OR6V1: variants seen among roughly 807,000 people sequenced by gnomAD.
The protein encoded by OR6V1 is olfactory receptor 6V1.
In OR6V1, 10 loss-of-function variants were observed where a neutral mutation model predicts 13.2. That is an observed-to-expected ratio of 0.76 (90% CI 0.47 to 1.28). OR6V1 has a LOEUF of 1.28. OR6V1 is among the 50% of genes most tolerant of loss of function. The probability of loss-of-function intolerance (pLI) is 0.00; values close to 1 mark genes in which losing one functional copy is unlikely to be tolerated. For synonymous variants in OR6V1, 137 were observed against 154.2 expected (o/e 0.89, Z 0.83); for missense variants, 350 against 380.4 (o/e 0.92, Z 0.67).
Position 143,052,357 on chromosome 7 carries a change from A to C in OR6V1, c.17A>C (p.Gln6Pro). 6.2e-7 allele frequency: 1 copy of C among 1,613,854 alleles called. No individual in the cohort carries two copies. The highest frequency in any genetic ancestry group is 8.5e-7 in the Non-Finnish European group (1 of 1,179,806). The part of the protein sequence containing the change: MANLS[Q>P]PSEFVLLGFS... ...CTGTGGATCATGGCAAATCTGAGCC[A>C]GCCCTCCGAATTTGTCCTCTTGGGC... The change falls in exon 1 of 1, where the codon CAG becomes CCG. Residue 6 changes from glutamine to proline, a missense_variant. Transcript: ENST00000418316.
Position 143,052,930 on chromosome 7 carries a change from A to T in OR6V1, c.590A>T (p.Asp197Val). ...GACACTCGCCTGTTGGAATTCTGGG[A>T]CTTTCTGATGGCCTTGACCTTTGTC... is the stretch of plus-strand genomic sequence containing the variant. ...CSDTRLLEFW[D>V]FLMALTFVLS... Residue 197 changes from aspartate (D) to valine (V), a missense_variant, in exon 1 of 1, where the codon GAC becomes GTC. Transcript: ENST00000418316. The T allele has an allele frequency of 6.2e-7, 1 of 1,613,940 alleles. No homozygotes were observed. Among genetic ancestry groups the T allele is most frequent in the Non-Finnish European group, 8.5e-7 (1 of 1,179,860 alleles).
In OR6V1 at chr7:143,052,853, C is replaced by T. The variant is rs768851108; in HGVS notation, c.513C>T (p.Val171=). The T allele has an allele frequency of 6.2e-7, 1 of 1,614,024 alleles. No homozygotes were observed. Among genetic ancestry groups the T allele is most frequent in the Non-Finnish European group, 8.5e-7 (1 of 1,179,880 alleles). Residue 171 remains valine, a synonymous_variant, in exon 1 of 1, where the codon GTC becomes GTT. Transcript: ENST00000418316. ...RAHLDYCHGD[V]INHFFCDNEP... ...ATCTTGATTACTGCCATGGCGACGTCATCAACCACTTCTTCTGTGACAATG... is the reference window on the plus strand; with the variant it reads ...ATCTTGATTACTGCCATGGCGACGTTATCAACCACTTCTTCTGTGACAATG...
In OR6V1 at chr7:143,052,976, C is replaced by T; in HGVS notation, c.636C>T (p.Thr212=). ...TTGTCCTCAGCTCCTTCCTGGTGAC[C>T]CTCATCTCCTATGGCTACATAGTGA... ...LTFVLSSFLV[T]LISYGYIVTT... The change falls in exon 1 of 1, where the codon ACC becomes ACT. Residue 212 remains threonine (T), a synonymous_variant. Coordinates refer to ENST00000418316, the MANE Select transcript of OR6V1 (RefSeq NM_001001667.1). 1 of 1,614,006 alleles carries T rather than the reference C, an allele frequency of 6.2e-7. No individual in the cohort carries two copies. The highest frequency in any genetic ancestry group is 8.5e-7 in the Non-Finnish European group (1 of 1,179,890).
In OR6V1 at chr7:143,052,692, C is replaced by G; in HGVS notation, c.352C>G (p.Leu118Val). Residue 118 changes from leucine (L) to valine (V), a missense_variant, in exon 1 of 1, where the codon CTT (leucine) becomes GTT (valine). Physicochemically the swap from Leu to Val is conservative, Grantham distance 32. Transcript: ENST00000418316. ...CTTCCTCATCCTGACAGACATGGCC[C>G]TTGATCGCTTTGTGGCCATCTGCCA... ...TSFLILTDMA[L>V]DRFVAICHPL... 3 of 1,614,020 alleles carry G rather than the reference C, an allele frequency of 1.9e-6. No individual in the cohort carries two copies. In the South Asian group the frequency reaches 3.3e-5, roughly 18 times the overall value.
rs370552765 is a variant in OR6V1 at position 143,053,153 on chromosome 7, C to A, written c.813C>A (p.Val271=). Residue 271 remains valine (V), a synonymous_variant, in exon 1 of 1, where the codon GTC becomes GTA. Coordinates refer to ENST00000418316, the MANE Select transcript of OR6V1 (RefSeq NM_001001667.1). ...CTCACTCTGTGCAAGTCAGGAAGGT[C>A]GTGGCCTTGGTGACTTCAGTTCTCA... The part of the protein sequence containing the change: ...GKAHSVQVRK[V]VALVTSVLTP... 2 of 1,613,864 alleles carry A rather than the reference C, an allele frequency of 1.2e-6. No homozygotes were observed. Among genetic ancestry groups the A allele is most frequent in the South Asian group, 1.1e-5 (1 of 91,084 alleles).
chr7:143,053,078 C>G lies in OR6V1; in HGVS notation c.738C>G (p.Val246=), dbSNP rs780521212. ...FSTCGSHLTL[V]FIGYSSTIFL... is the part of the protein sequence containing the mutation. Reference sequence around the variant, plus strand: ...CTTGCGGGTCTCACCTCACACTGGTCTTCATCGGCTACAGTAGTACCATCT... The same window carrying G: ...CTTGCGGGTCTCACCTCACACTGGTGTTCATCGGCTACAGTAGTACCATCT... Residue 246 remains valine (V), a synonymous_variant, in exon 1 of 1, where the codon GTC becomes GTG. Coordinates refer to ENST00000418316, the MANE Select transcript of OR6V1 (RefSeq NM_001001667.1). 6.2e-7 allele frequency: 1 copy of G among 1,614,024 alleles called. No individual in the cohort carries two copies. Among genetic ancestry groups the G allele is most frequent in the Non-Finnish European group, 8.5e-7 (1 of 1,179,884 alleles).
At position 143,052,660 on chromosome 7, in the gene OR6V1, C is replaced by T. The variant is rs1221265405; in HGVS notation, c.320C>T (p.Ser107Phe). The change falls in exon 1 of 1, where the codon TCC (serine) becomes TTC (phenylalanine). Residue 107 changes from serine (S) to phenylalanine (F), a missense_variant. Physicochemically the swap from Ser to Phe is radical, Grantham distance 155. Transcript: ENST00000418316. Reference protein sequence around the residue: ...VQFYFHFSLGSTSFLILTDMA... With the variant: ...VQFYFHFSLGFTSFLILTDMA... ...TTCTACTTCCACTTTTCCCTGGGGT[C>T]CACCTCCTTCCTCATCCTGACAGAC... 6.2e-7 allele frequency: 1 copy of T among 1,614,012 alleles called. No individual in the cohort carries two copies. The highest frequency in any genetic ancestry group is 1.7e-5 in the Admixed American group (1 of 60,026).
rs1221265405 is a variant in OR6V1 at position 143,052,660 on chromosome 7, C to G, written c.320C>G (p.Ser107Cys). 6.2e-7 allele frequency: 1 copy of G among 1,613,894 alleles called. No homozygotes were observed. The highest frequency in any genetic ancestry group is 2.2e-5 in the East Asian group (1 of 44,896). The change falls in exon 1 of 1, where the codon TCC (serine) becomes TGC (cysteine). Residue 107 changes from serine (S) to cysteine (C), a missense_variant. By Grantham distance (112) the Ser-to-Cys change is moderately radical (BLOSUM62 -1). Transcript: ENST00000418316. ...VQFYFHFSLGSTSFLILTDMA... is the reference protein window; with the variant it reads ...VQFYFHFSLGCTSFLILTDMA... ...TTCTACTTCCACTTTTCCCTGGGGTCCACCTCCTTCCTCATCCTGACAGAC... is the reference window on the plus strand; with the variant it reads ...TTCTACTTCCACTTTTCCCTGGGGTGCACCTCCTTCCTCATCCTGACAGAC...
Position 143,053,282 on chromosome 7 carries a change from A to C in OR6V1, c.942A>C (p.Ter314CysextTer?). 1 of 1,592,714 alleles carries C rather than the reference A, an allele frequency of 6.3e-7. No homozygotes were observed. Among genetic ancestry groups the C allele is most frequent in the East Asian group, 2.2e-5 (1 of 44,534 alleles). Residue 314 changes from the stop codon to cysteine (C), a stop_lost, in exon 1 of 1, where the codon TGA (stop) becomes TGC (cysteine). Transcript: ENST00000418316. ...QRLKGLCKAQ* is the reference protein window; with the variant it reads ...QRLKGLCKAQC ...TGAAAGGCCTTTGCAAGGCACAATG[A>C]TGAGCCCAGGGCCCAGGGGAACCTG... is the stretch of plus-strand genomic sequence containing the variant.
Position 143,052,453 on chromosome 7 carries a change from T to C in OR6V1, c.113T>C (p.Met38Thr). The part of the protein sequence containing the change: ...PFLMLYLLAF[M>T]GNTIIIVMVI... ...CTCATGCTTTATCTTCTCGCCTTCATGGGAAACACCATCATCATAGTTATG... is the reference window on the plus strand; with the variant it reads ...CTCATGCTTTATCTTCTCGCCTTCACGGGAAACACCATCATCATAGTTATG... Residue 38 changes from methionine to threonine, a missense_variant, in exon 1 of 1, where the codon ATG (methionine) becomes ACG (threonine). Met to Thr is a moderately conservative substitution (Grantham distance 81). Transcript: ENST00000418316. 1 of 1,613,950 alleles carries C rather than the reference T, an allele frequency of 6.2e-7. No homozygotes were observed. The highest frequency in any genetic ancestry group is 8.5e-7 in the Non-Finnish European group (1 of 1,179,854).
At position 143,053,006 on chromosome 7, in the gene OR6V1, T is replaced by C; in HGVS notation, c.666T>C (p.Thr222=). ...TCTCCTATGGCTACATAGTGACCAC[T>C]GTGCTGCGGATCCCCTCTGCCAGCA... ...TLISYGYIVT[T]VLRIPSASSC... is the part of the protein sequence containing the mutation. The change falls in exon 1 of 1, where the codon ACT becomes ACC. Residue 222 remains threonine, a synonymous_variant. Transcript: ENST00000418316. 1.2e-6 allele frequency: 2 copies of C among 1,614,032 alleles called. No homozygotes were observed. Among genetic ancestry groups the C allele is most frequent in the African/African-American group, 1.3e-5 (1 of 75,048 alleles).
In OR6V1 at chr7:143,053,255, G is replaced by GC. The variant is rs777728357; in HGVS notation, c.916dup (p.Leu306ProfsTer?). ...CAGTGCTACAGGGGCAGATGCAGAG[G>GC]CTGAAAGGCCTTTGCAAGGCACAAT... On this transcript the variant is annotated frameshift_variant, in exon 1 of 1. Transcript: ENST00000418316. LOFTEE classifies it high-confidence loss of function. 3 of 1,606,094 alleles carry GC rather than the reference G, an allele frequency of 1.9e-6. No homozygotes were observed. The highest frequency in any genetic ancestry group is 1.7e-6 in the Non-Finnish European group (2 of 1,179,570).
Position 143,052,655 on chromosome 7 carries a change from G to A in OR6V1, c.315G>A (p.Leu105=), listed in dbSNP as rs1433457659. 6.2e-7 allele frequency: 1 copy of A among 1,613,948 alleles called. No homozygotes were observed. The highest frequency in any genetic ancestry group is 8.5e-7 in the Non-Finnish European group (1 of 1,179,866). ...TCCAGTTCTACTTCCACTTTTCCCT[G>A]GGGTCCACCTCCTTCCTCATCCTGA... ...CMVQFYFHFS[L]GSTSFLILTD... is the part of the protein sequence containing the mutation. The change falls in exon 1 of 1, where the codon CTG becomes CTA. Residue 105 remains leucine (L), a synonymous_variant. Transcript: ENST00000418316.
In OR6V1 at chr7:143,052,781, G is replaced by A. The variant is rs1183116683; in HGVS notation, c.441G>A (p.Trp147Ter). The A allele has an allele frequency of 6.2e-7, 1 of 1,614,008 alleles. No individual in the cohort carries two copies. The highest frequency in any genetic ancestry group is 2.2e-5 in the East Asian group (1 of 44,874). ...GTGTCCAGCTGGCTGGGGCTGCCTGGGCAGCTCCTTTCCTAGCCATGGTAC... is the reference window on the plus strand; with the variant it reads ...GTGTCCAGCTGGCTGGGGCTGCCTGAGCAGCTCCTTTCCTAGCCATGGTAC... Reference protein sequence around the residue: ...AMCVQLAGAAWAAPFLAMVPT... With the variant: ...AMCVQLAGAA Residue 147 changes from tryptophan to a stop codon, truncating the protein, a stop_gained, in exon 1 of 1, where the codon TGG becomes TGA. Coordinates refer to ENST00000418316, the MANE Select transcript of OR6V1 (RefSeq NM_001001667.1). LOFTEE classifies it high-confidence loss of function.
rs754389759 is a variant in OR6V1 at position 143,052,707 on chromosome 7, GCCATCTGCCA to G, written c.370_379del (p.Ile124HisfsTer7). 1.2e-6 allele frequency: 2 copies of G among 1,614,014 alleles called. No homozygotes were observed. Among genetic ancestry groups the G allele is most frequent in the South Asian group, 2.2e-5 (2 of 91,080 alleles). On this transcript the variant is annotated frameshift_variant, in exon 1 of 1. Transcript: ENST00000418316. LOFTEE classifies it high-confidence loss of function. ...AGACATGGCCCTTGATCGCTTTGTG[GCCATCTGCCA>G]CCCACTGCGCTATGGCACTCTGATG...
In OR6V1 at chr7:143,052,408, C is replaced by T; in HGVS notation, c.68C>T (p.Ala23Val). Residue 23 changes from alanine to valine, a missense_variant, in exon 1 of 1, where the codon GCC (alanine) becomes GTC (valine). Ala to Val is a moderately conservative substitution (Grantham distance 64). Coordinates refer to ENST00000418316, the MANE Select transcript of OR6V1 (RefSeq NM_001001667.1). ...LGFSSFGELQALLYGPFLMLY... is the reference protein window; with the variant it reads ...LGFSSFGELQVLLYGPFLMLY... Reference sequence around the variant, plus strand: ...TTCTCCTCCTTTGGTGAGCTGCAGGCCCTTCTGTATGGCCCCTTCCTCATG... The same window carrying T: ...TTCTCCTCCTTTGGTGAGCTGCAGGTCCTTCTGTATGGCCCCTTCCTCATG... 1.9e-6 allele frequency: 3 copies of T among 1,613,936 alleles called. No homozygotes were observed. The highest frequency in any genetic ancestry group is 1.3e-5 in the African/African-American group (1 of 75,038).
chr7:143,052,722 C>A lies in OR6V1; in HGVS notation c.382C>A (p.Leu128Met). The A allele has an allele frequency of 6.2e-7, 1 of 1,614,054 alleles. No homozygotes were observed. ...LDRFVAICHP[L>M]RYGTLMSRAM... ...TCGCTTTGTGGCCATCTGCCACCCA[C>A]TGCGCTATGGCACTCTGATGAGCCG... Residue 128 changes from leucine to methionine, a missense_variant, in exon 1 of 1, where the codon CTG becomes ATG. Transcript: ENST00000418316.
At position 143,053,264 on chromosome 7, in the gene OR6V1, C is replaced by A; in HGVS notation, c.924C>A (p.Gly308=). 1 of 1,603,236 alleles carries A rather than the reference C, an allele frequency of 6.2e-7. No homozygotes were observed. The highest frequency in any genetic ancestry group is 8.5e-7 in the Non-Finnish European group (1 of 1,178,956). Residue 308 remains glycine (G), a synonymous_variant, in exon 1 of 1, where the codon GGC becomes GGA. Transcript: ENST00000418316. ...VLQGQMQRLK[G]LCKAQ ...AGGGGCAGATGCAGAGGCTGAAAGG[C>A]CTTTGCAAGGCACAATGATGAGCCC...
Position 143,052,924 on chromosome 7 carries a change from T to C in OR6V1, c.584T>C (p.Phe195Ser). ...TGCTCTGACACTCGCCTGTTGGAAT[T>C]CTGGGACTTTCTGATGGCCTTGACC... Reference protein sequence around the residue: ...LSCSDTRLLEFWDFLMALTFV... With the variant: ...LSCSDTRLLESWDFLMALTFV... The change falls in exon 1 of 1, where the codon TTC (phenylalanine) becomes TCC (serine). Residue 195 changes from phenylalanine to serine, a missense_variant. By Grantham distance (155) the Phe-to-Ser change is radical (BLOSUM62 -2). Transcript: ENST00000418316. The C allele has an allele frequency of 3.7e-6, 6 of 1,613,992 alleles. No individual in the cohort carries two copies. The highest frequency in any genetic ancestry group is 5.1e-6 in the Non-Finnish European group (6 of 1,179,876).
Sources: gnomAD v4.1 joint callset for allele counts on GRCh38, gnomAD v4.1.1 for gene constraint, MANE v1.5 for transcripts, NCBI Gene and HGNC (gene_info 2026-07-23, HGNC 2026-07-21) for gene names.